The following ZCWPW2 variants were observed in gnomAD, a reference collection of about 807,000 sequenced individuals.
The protein encoded by ZCWPW2 is zinc finger CW-type PWWP domain protein 2.
A neutral mutation model predicts 46.6 loss-of-function variants in ZCWPW2; 45 were observed. The ratio of observed to expected loss-of-function variants is 0.96; its 90% confidence interval spans 0.76 to 1.24. ZCWPW2 has a LOEUF of 1.24. Among genes scored for constraint, ZCWPW2 ranks in the 50% most tolerant of loss-of-function variants. The pLI, the probability that ZCWPW2 is intolerant of heterozygous loss-of-function variation, is 0.00. For missense variants in ZCWPW2, 429 were observed against 403.9 expected, an observed-to-expected ratio of 1.06 and a Z score of -0.53; for synonymous variants, 152 against 137.1, an observed-to-expected ratio of 1.11 and a Z score of -0.76.
chr3:28,483,809 A>G (rs761020759), intron 5 of ZCWPW2, among the ~76,000 whole-genome samples: 10 of 152,192 alleles, frequency 6.6e-5, no homozygotes, highest in Non-Finnish European at 8.8e-5. Flanking sequence ...TCAGAAATCT[A>G]TTTATTTTTG....
intron 9 of ZCWPW2, among the ~76,000 whole-genome samples, chr3:28,522,560 C>T (rs773894775): frequency 1.8e-4 from 28 of 152,056 alleles, no homozygotes; most frequent in Admixed American, 3.9e-4. Flanking sequence ...ATAGATTATT[C>T]GTAAACATGT....
chr3:28,508,484 A>C (rs1426335857), intron 6 of ZCWPW2, among the ~76,000 whole-genome samples: 1 of 151,938 alleles, frequency 6.6e-6, no homozygotes, highest in Non-Finnish European at 1.5e-5. Flanking sequence ...AATATGTTCC[A>C]GCTCCTCACT....
In ZCWPW2 at chr3:28,443,598, T is replaced by G. The variant is rs187152596; in HGVS notation, c.492+8329T>G. Among the ~76,000 whole-genome samples, 111 of 152,360 alleles carry G rather than the reference T, an allele frequency of 7.3e-4. No homozygotes were observed. The East Asian group carries it at 0.018, about 25-fold the overall frequency. ...GAGCTCTACACAAGTCAGACTATTCTGATTACTGCTTTGCTTCTGCTGTCC... is the reference window on the plus strand; with the variant it reads ...GAGCTCTACACAAGTCAGACTATTCGGATTACTGCTTTGCTTCTGCTGTCC... On this transcript the variant is annotated intron_variant, in intron 4 of 9. Transcript: ENST00000383768.
intron 2 of ZCWPW2, among the ~76,000 whole-genome samples, chr3:28,409,122 C>CT (rs11328735): frequency 0.018 from 1,499 of 82,302 alleles, 30 homozygotes; most frequent in African/African-American, 0.04. Flanking sequence ...TTTTCTTTTT[C>CT]TTTTTTTTTT....
At chr3:28,453,851 TA>T (rs200390339) in intron 4 of ZCWPW2, among the ~76,000 whole-genome samples, 4,091 of 148,016 alleles carry the variant, frequency 0.028, 84 homozygotes, top group Non-Finnish European at 0.032. Context: ...TTTTTATTAT[TA>T]TTTTTTTTTT....
intron 4 of ZCWPW2, chr3:28,478,335 C>A: frequency 3.2e-6 from 1 of 313,622 alleles, no homozygotes; most frequent in Non-Finnish European, 6.7e-6. Context: ...CATCTGCCTC[C>A]CAGGTTCAAG....
At chr3:28,444,881 G>A (rs1697924291) in intron 4 of ZCWPW2, among the ~76,000 whole-genome samples, 2 of 152,098 alleles carry the variant, frequency 1.3e-5, no homozygotes, top group South Asian at 2.1e-4. Flanking sequence ...TAAACTTCTT[G>A]CCTCACATGG....
At chr3:28,515,945 TA>T (rs1559536741) in intron 8 of ZCWPW2, among the ~76,000 whole-genome samples, 1 of 152,028 alleles carries the variant, frequency 6.6e-6, no homozygotes, top group Admixed American at 6.6e-5. Flanking sequence ...TTTAATTTTT[TA>T]AAATAACACA....
rs527633477 is a variant in ZCWPW2, at chr3:28,404,029, CAA to C, written c.-13-9025_-13-9024del. 5.9e-5 allele frequency among the ~76,000 whole-genome samples: 9 copies of C among 152,094 alleles called. No individual in the cohort carries two copies. The East Asian group carries it at 1.7e-3, about 29-fold the overall frequency. On this transcript the variant is annotated intron_variant, in intron 2 of 9. Coordinates refer to ENST00000383768, the MANE Select transcript of ZCWPW2 (RefSeq NM_001040432.4). ...AACCCAAAAGAAAATGCAATAAAAA[CAA>C]AGACAAATAGCTGGGACTTAATTAA...
chr3:28,370,321 C>T (rs762556318), intron 1 of ZCWPW2, among the ~76,000 whole-genome samples: 77 of 152,116 alleles, frequency 5.1e-4, no homozygotes, highest in Non-Finnish European at 7.5e-4. Flanking sequence ...CATTCATTGT[C>T]GCATAACAAC....
intron 4 of ZCWPW2, among the ~76,000 whole-genome samples, chr3:28,438,076 A>C (rs1347946476): frequency 1.3e-5 from 2 of 152,198 alleles, no homozygotes; most frequent in African/African-American, 4.8e-5. Context: ...AGACAGTTGC[A>C]CATGTTTCTG....
chr3:28,442,716 C>T (rs1697815737), intron 4 of ZCWPW2, among the ~76,000 whole-genome samples: 1 of 152,110 alleles, frequency 6.6e-6, no homozygotes, highest in Non-Finnish European at 1.5e-5. Context: ...TCTGGTATAG[C>T]AGCTGCAATT....
chr3:28,430,507 G>A (rs540253136), intron 3 of ZCWPW2, among the ~76,000 whole-genome samples: 6 of 152,172 alleles, frequency 3.9e-5, no homozygotes, highest in Non-Finnish European at 7.3e-5. Context: ...TGGAATTTTG[G>A]GTTAAGCTGG....
intron 1 of ZCWPW2, among the ~76,000 whole-genome samples, chr3:28,388,424 A>T (rs1038497422): frequency 3.3e-5 from 5 of 152,200 alleles, no homozygotes; most frequent in Non-Finnish European, 4.4e-5. Context: ...CTAATATGAT[A>T]CAACTATGTT....
At chr3:28,499,277 G>A (rs898189272) in intron 6 of ZCWPW2, among the ~76,000 whole-genome samples, 15 of 152,100 alleles carry the variant, frequency 9.9e-5, no homozygotes, top group East Asian at 1.9e-4. Flanking sequence ...GTGTAAAAGC[G>A]TTCCTATTTC....
chr3:28,352,455 C>T (rs192267223), intron 1 of ZCWPW2, among the ~76,000 whole-genome samples: 484 of 152,118 alleles, frequency 3.2e-3, no homozygotes, highest in Non-Finnish European at 4.4e-3. Context: ...AGTTGTCCCT[C>T]TCTCACTGAC....
chr3:28,438,093 C>T (rs1697572011), intron 4 of ZCWPW2, among the ~76,000 whole-genome samples: 1 of 152,194 alleles, frequency 6.6e-6, no homozygotes, highest in Non-Finnish European at 1.5e-5. Context: ...TCTGGAGCAT[C>T]TTGCACATAG....
At chr3:28,499,417 CAT>C (rs1700082855) in intron 6 of ZCWPW2, among the ~76,000 whole-genome samples, 2 of 152,078 alleles carry the variant, frequency 1.3e-5, no homozygotes, top group Admixed American at 1.3e-4. Context: ...AGCTTTTTTT[CAT>C]ATGTTTGTTG....
rs147040212 is a variant in ZCWPW2, at chr3:28,420,575, C to A, written c.332+7175C>A. On this transcript the variant is annotated intron_variant, in intron 3 of 9. Transcript: ENST00000383768. ...CACTTTTTTTTAGTTTTTAATTATA[C>A]TTTATGTTGTTTTTTTTTTCATTAC... is the stretch of plus-strand genomic sequence containing the variant. Among the ~76,000 whole-genome samples, 385 of 150,322 alleles carry A rather than the reference C, an allele frequency of 2.6e-3. 1 individual carries two copies. The highest frequency in any genetic ancestry group is 8.6e-3 in the African/African-American group (349 of 40,536).
Sources: allele counts gnomAD v4.1 joint callset (sites outside exome capture counted in the v4.1 genomes callset), GRCh38; gene constraint gnomAD v4.1.1; transcripts MANE v1.5; gene names NCBI Gene and HGNC (gene_info 2026-07-23, HGNC 2026-07-21).